The following DLC1 variants were observed in gnomAD, a reference collection of about 807,000 sequenced individuals.
DLC1 encodes DLC1 Rho GTPase activating protein, also known as rho GTPase-activating protein 7.
Under a neutral mutation model 140.3 loss-of-function variants are expected in DLC1, and 54 were observed. That is an observed-to-expected ratio of 0.38 (90% CI 0.31 to 0.48). The LOEUF (loss-of-function observed/expected upper bound fraction) is 0.48. DLC1 is among the 20% of genes least tolerant of loss of function. The pLI is 0.96. For missense variants in DLC1, 2,536 were observed against 1,907.0 expected, an observed-to-expected ratio of 1.33 and a Z score of -6.14; for synonymous variants, 986 against 728.1, an observed-to-expected ratio of 1.35 and a Z score of -5.70.
At chr8:13,229,087 C>G (rs967240537) in intron 5 of DLC1, among the ~76,000 whole-genome samples, 2 of 152,102 alleles carry the variant, frequency 1.3e-5, no homozygotes, top group Non-Finnish European at 2.9e-5. Context: ...GGTATATACC[C>G]AAGAGCAACG....
chr8:13,306,320 A>C (rs1171888552), intron 4 of DLC1, among the ~76,000 whole-genome samples: 1 of 152,202 alleles, frequency 6.6e-6, no homozygotes, highest in Non-Finnish European at 1.5e-5. Context: ...CTGTTTGTGG[A>C]TACCACTAAA....
intron 5 of DLC1, among the ~76,000 whole-genome samples, chr8:13,170,729 C>CAA (rs1179460110): frequency 0.031 from 1,977 of 62,846 alleles, 68 homozygotes; most frequent in African/African-American, 0.11. Context: ...GACTCCATCT[C>CAA]AAAAAAAAAA....
intron 2 of DLC1, among the ~76,000 whole-genome samples, chr8:13,441,753 G>A (rs112547879): frequency 0.1 from 15,081 of 151,458 alleles, 865 homozygotes; most frequent in East Asian, 0.16. Flanking sequence ...ATGGGTAGGA[G>A]GAATCAATAT....
intron 4 of DLC1, among the ~76,000 whole-genome samples, chr8:13,327,853 A>G (rs1833435922): frequency 6.6e-6 from 1 of 152,348 alleles, no homozygotes; most frequent in African/African-American, 2.4e-5. Context: ...AGAGTGTTAC[A>G]AAGAAAAGTT....
intron 1 of DLC1, among the ~76,000 whole-genome samples, chr8:13,527,260 G>C (rs1160133408): frequency 6.6e-6 from 1 of 152,160 alleles, no homozygotes; most frequent in Admixed American, 6.5e-5. Context: ...AAATCCTGCT[G>C]TATTCCTAGT....
At chr8:13,444,195 C>T (rs752935249) in intron 2 of DLC1, among the ~76,000 whole-genome samples, 1 of 152,014 alleles carries the variant, frequency 6.6e-6, no homozygotes, top group Non-Finnish European at 1.5e-5. Context: ...AGTTTTCTCC[C>T]ATTGACAGAC....
chr8:13,386,657 A>C (rs1326527211), intron 4 of DLC1, among the ~76,000 whole-genome samples: 1 of 152,118 alleles, frequency 6.6e-6, no homozygotes, highest in Non-Finnish European at 1.5e-5. Flanking sequence ...TCTGTTTTTC[A>C]AAGTCCAAAA....
At chr8:13,533,092 A>C (rs1803155558) in intron 1 of DLC1, among the ~76,000 whole-genome samples, 1 of 152,246 alleles carries the variant, frequency 6.6e-6, no homozygotes, top group Non-Finnish European at 1.5e-5. Flanking sequence ...AGTAATGCTT[A>C]CATTAAAATA....
At position 13,526,256 on chromosome 8, in the gene DLC1, A is replaced by G. The variant is rs532873371; in HGVS notation, c.-125-26060T>C. Among the ~76,000 whole-genome samples, 10 of 152,276 alleles carry G rather than the reference A, an allele frequency of 6.6e-5. No homozygotes were observed. In the East Asian group the frequency reaches 1.7e-3, roughly 26 times the overall value. ...TTACACCAAGTATTATAAGTATTCA[A>G]GTTTGTTATTCCTTTTTAAAGTAGT... On this transcript the variant is annotated intron_variant, in intron 1 of 1. Transcript: ENST00000631382.
intron 4 of DLC1, among the ~76,000 whole-genome samples, chr8:13,385,517 C>A: frequency 6.6e-6 from 1 of 151,960 alleles, no homozygotes; most frequent in East Asian, 1.9e-4. Flanking sequence ...ATTAAATAAC[C>A]AAAACAGTCA....
chr8:13,306,808 G>A (rs1832455996), intron 4 of DLC1, among the ~76,000 whole-genome samples: 1 of 151,990 alleles, frequency 6.6e-6, no homozygotes, highest in Non-Finnish European at 1.5e-5. Context: ...TAGAGGCTGG[G>A]CACCGTGGCT....
At chr8:13,099,024 T>C (rs565934859) in intron 9 of DLC1, among the ~76,000 whole-genome samples, 1 of 135,918 alleles carries the variant, frequency 7.4e-6, no homozygotes, top group South Asian at 2.1e-4. Context: ...ATCCCCATTA[T>C]GGGAAAATAT....
intron 2 of DLC1, among the ~76,000 whole-genome samples, chr8:13,463,030 C>G (rs1317893623): frequency 2.0e-5 from 3 of 152,088 alleles, no homozygotes; most frequent in Non-Finnish European, 4.4e-5. Flanking sequence ...CAATTTCAAA[C>G]TGAAATATAT....
intron 3 of DLC1, among the ~76,000 whole-genome samples, chr8:13,397,191 A>C (rs1034884278): frequency 1.3e-5 from 2 of 152,112 alleles, no homozygotes; most frequent in Non-Finnish European, 2.9e-5. Context: ...ACCACAAGAA[A>C]AGGTCTCACT....
intron 2 of DLC1, among the ~76,000 whole-genome samples, chr8:13,416,854 A>C (rs185347065): frequency 6.6e-6 from 1 of 152,284 alleles, no homozygotes; most frequent in African/African-American, 2.4e-5. Flanking sequence ...ATTTTGATAA[A>C]GGAACTCCAT....
intron 4 of DLC1, among the ~76,000 whole-genome samples, chr8:13,368,962 T>G (rs778854327): frequency 6.6e-6 from 1 of 152,132 alleles, no homozygotes; most frequent in Non-Finnish European, 1.5e-5. Context: ...TAGCTGAGAT[T>G]ACAGGTGCTC....
At chr8:13,272,109 T>G (rs529116322) in intron 5 of DLC1, among the ~76,000 whole-genome samples, 13 of 152,362 alleles carry the variant, frequency 8.5e-5, no homozygotes, top group African/African-American at 3.1e-4. Context: ...GTCAATGTCA[T>G]TGATACTATT....
intron 5 of DLC1, among the ~76,000 whole-genome samples, chr8:13,229,546 C>A (rs1321861678): frequency 1.3e-5 from 2 of 151,362 alleles, no homozygotes; most frequent in African/African-American, 2.4e-5. Context: ...TAAAAACTAT[C>A]AAATTGTGTA....
At position 13,334,224 on chromosome 8, in the gene DLC1, G is replaced by C. The variant is rs73218506; in HGVS notation, c.1315-28922C>G. 3.9e-5 allele frequency among the ~76,000 whole-genome samples: 6 copies of C among 152,104 alleles called. No individual in the cohort carries two copies. The East Asian group carries it at 5.8e-4, about 15-fold the overall frequency. On this transcript the variant is annotated intron_variant, in intron 4 of 17. Coordinates refer to ENST00000276297, the MANE Select transcript of DLC1 (RefSeq NM_182643.3). ...GCAGTGACACAGAGGAGAGAAGCAG[G>C]GGGGAGTTGCAGATGCGGAGACCTT...
Sources: gnomAD v4.1 joint callset for allele counts (sites outside exome capture counted in the v4.1 genomes callset) on GRCh38, gnomAD v4.1.1 for gene constraint, MANE v1.5 for transcripts, NCBI Gene and HGNC (gene_info 2026-07-23, HGNC 2026-07-21) for gene names.